MGAT4C: variants seen among roughly 807,000 people sequenced by gnomAD.
The protein encoded by MGAT4C is MGAT4 family member C.
Under a neutral mutation model 40.1 loss-of-function variants are expected in MGAT4C, and 19 were observed. The ratio of observed to expected loss-of-function variants is 0.47; its 90% CI spans 0.33 to 0.70. MGAT4C has a LOEUF of 0.70. MGAT4C is among the 30% of genes least tolerant of loss of function. MGAT4C has a pLI of 0.02. For synonymous variants in MGAT4C, 181 were observed against 187.1 expected (o/e 0.97, Z 0.27); for missense variants, 491 against 563.2 (o/e 0.87, Z 1.30).
chr12:86,657,958 A>G (rs11834119), intron 2 of MGAT4C, among the ~76,000 whole-genome samples: 13,248 of 151,952 alleles, frequency 0.087, 943 homozygotes, highest in African/African-American at 0.2. Flanking sequence ...ATATTCTATA[A>G]AGAACATAGC....
At chr12:86,725,280 T>G (rs2702775) in intron 2 of MGAT4C, among the ~76,000 whole-genome samples, 125,770 of 152,084 alleles carry the variant, frequency 0.83, 53,593 homozygotes, top group Non-Finnish European at 0.93. Flanking sequence ...TTACTTAATT[T>G]GTTCTCTGTT....
chr12:86,421,601 C>T (rs1371632889), intron 3 of MGAT4C, among the ~76,000 whole-genome samples: 2 of 152,054 alleles, frequency 1.3e-5, no homozygotes, highest in African/African-American at 4.8e-5. Flanking sequence ...CCTAGAGAAA[C>T]CCCGTCTCTA....
chr12:86,260,826 T>C (rs549288723), upstream of MGAT4C, among the ~76,000 whole-genome samples: 155 of 152,118 alleles, frequency 1.0e-3, no homozygotes, highest in Middle Eastern at 6.8e-3. Context: ...TAGATCATTA[T>C]TTAGTACTTG....
chr12:86,790,868 T>A (rs1287275002), intron 1 of MGAT4C, among the ~76,000 whole-genome samples: 1 of 152,074 alleles, frequency 6.6e-6, no homozygotes, highest in African/African-American at 2.4e-5. Flanking sequence ...ATCCCTATTT[T>A]TAAACAAATA....
chr12:86,807,917 T>C (rs1201874643), intron 1 of MGAT4C, among the ~76,000 whole-genome samples: 1 of 152,142 alleles, frequency 6.6e-6, no homozygotes, highest in African/African-American at 2.4e-5. Context: ...GCTGGCCACA[T>C]GAATGTCTTC....
At chr12:86,021,524 T>A (rs1048357785) in intron 2 of MGAT4C, among the ~76,000 whole-genome samples, 1 of 136,212 alleles carries the variant, frequency 7.3e-6, no homozygotes, top group Non-Finnish European at 1.5e-5. Context: ...TACTCATAGG[T>A]GGGAATTGAA....
chr12:86,834,230 A>G (rs924612782), intron 1 of MGAT4C, among the ~76,000 whole-genome samples: 27 of 151,810 alleles, frequency 1.8e-4, no homozygotes, highest in Non-Finnish European at 2.2e-4. Context: ...CCATCTATAG[A>G]TAGGTAGATA....
chr12:86,238,572 T>C (rs1402473360), intron 1 of MGAT4C, among the ~76,000 whole-genome samples: 2 of 152,050 alleles, frequency 1.3e-5, no homozygotes, highest in African/African-American at 2.4e-5. Flanking sequence ...TATAGCTTCA[T>C]AGTAGATCTA....
At chr12:86,062,632 A>G (rs1027817374) in intron 1 of MGAT4C, among the ~76,000 whole-genome samples, 1 of 152,074 alleles carries the variant, frequency 6.6e-6, no homozygotes, top group African/African-American at 2.4e-5. Context: ...GAAACTTGAA[A>G]AAAGGTTAGA....
intron 2 of MGAT4C, among the ~76,000 whole-genome samples, chr12:86,653,786 C>G (rs1263449219): frequency 6.6e-6 from 1 of 151,500 alleles, no homozygotes; most frequent in African/African-American, 2.4e-5. Flanking sequence ...ATGCATAAAA[C>G]TTATTTGGAA....
intron 3 of MGAT4C, among the ~76,000 whole-genome samples, chr12:86,348,120 TCTAGA>T (rs1433444633): frequency 6.6e-6 from 1 of 152,188 alleles, no homozygotes; most frequent in African/African-American, 2.4e-5. Flanking sequence ...ATTCCTAACA[TCTAGA>T]TGAATTAAAT....
chr12:86,640,853 G>A (rs1321218126), intron 2 of MGAT4C, among the ~76,000 whole-genome samples: 1 of 151,700 alleles, frequency 6.6e-6, no homozygotes, highest in Non-Finnish European at 1.5e-5. Context: ...CCTTCATTTC[G>A]TTATGTACCC....
At chr12:86,379,102 T>C in intron 3 of MGAT4C, among the ~76,000 whole-genome samples, 1 of 152,180 alleles carries the variant, frequency 6.6e-6, no homozygotes. Context: ...GCAAGTAGTA[T>C]AACCTTAAGG....
chr12:86,012,782 ACCACCACCACCACCACCACCACCACCACC>A (rs1888623264), intron 2 of MGAT4C, among the ~76,000 whole-genome samples: 3 of 136,470 alleles, frequency 2.2e-5, no homozygotes, highest in African/African-American at 8.6e-5. Flanking sequence ...AACAACAACC[ACCACCACCACCACCACCACCACCACCACC>A]ACCACCACCA....
intron 1 of MGAT4C, among the ~76,000 whole-genome samples, chr12:86,061,795 A>T (rs1368182583): frequency 6.6e-6 from 1 of 152,156 alleles, no homozygotes; most frequent in Non-Finnish European, 1.5e-5. Context: ...CAGCTCAGCA[A>T]GTCCACTGTG....
intron 1 of MGAT4C, among the ~76,000 whole-genome samples, chr12:86,113,194 T>C (rs1445004083): frequency 6.6e-6 from 1 of 151,836 alleles, no homozygotes; most frequent in Non-Finnish European, 1.5e-5. Context: ...CTTATTTTAT[T>C]TTTAAACTCT....
chr12:86,241,467 G>A (rs1040735412), intron 1 of MGAT4C, among the ~76,000 whole-genome samples: 5 of 151,846 alleles, frequency 3.3e-5, no homozygotes, highest in Non-Finnish European at 7.4e-5. Context: ...TTATTATTAC[G>A]GGCTCATAAA....
intron 2 of MGAT4C, among the ~76,000 whole-genome samples, chr12:86,575,057 C>T (rs1389839798): frequency 1.3e-5 from 2 of 151,680 alleles, no homozygotes; most frequent in Non-Finnish European, 3.0e-5. Context: ...CACTCACACA[C>T]AAACCACATG....
chr12:86,379,765 A>G (rs1056147770), intron 3 of MGAT4C, among the ~76,000 whole-genome samples: 1 of 152,112 alleles, frequency 6.6e-6, no homozygotes, highest in African/African-American at 2.4e-5. Flanking sequence ...TTCTATTACA[A>G]ATTTCAATAA....
Sources: allele counts gnomAD v4.1 joint callset (sites outside exome capture counted in the v4.1 genomes callset), GRCh38; gene constraint gnomAD v4.1.1; transcripts MANE v1.5; gene names NCBI Gene and HGNC (gene_info 2026-07-23, HGNC 2026-07-21).